CDH12: variants seen among roughly 807,000 people sequenced by gnomAD.
CDH12 encodes cadherin 12.
CDH12 carries 41 observed loss-of-function variants against 74.1 expected under a neutral mutation model. The ratio of observed to expected loss-of-function variants is 0.55; its 90% CI spans 0.43 to 0.72. The LOEUF is 0.72. Among genes scored for constraint, CDH12 ranks in the 30% least tolerant of loss-of-function variants. The pLI, the probability that CDH12 is intolerant of heterozygous loss-of-function variation, is 0.00. For missense variants in CDH12, 945 were observed against 977.2 expected (o/e 0.97, Z 0.44); for synonymous variants, 399 against 355.0 (o/e 1.12, Z -1.39).
At chr5:21,942,347 T>TATATATATATATATAC (rs1225173229) in intron 6 of CDH12, among the ~76,000 whole-genome samples, 23 of 129,672 alleles carry the variant, frequency 1.8e-4, no homozygotes, top group African/African-American at 7.3e-4. Flanking sequence ...TATATATATA[T>TATATATATATATATAC]ACACACACAC....
intron 3 of CDH12, among the ~76,000 whole-genome samples, chr5:22,312,493 T>A (rs1299888604): frequency 6.6e-6 from 1 of 152,214 alleles, no homozygotes; most frequent in Non-Finnish European, 1.5e-5. Context: ...TGTTTTCTTG[T>A]CACTTAATTA....
At chr5:22,467,331 C>T (rs1745778089) in intron 2 of CDH12, among the ~76,000 whole-genome samples, 1 of 152,134 alleles carries the variant, frequency 6.6e-6, no homozygotes, top group Non-Finnish European at 1.5e-5. Context: ...TGTCAAGAAT[C>T]CCCCCATCTG....
intron 6 of CDH12, among the ~76,000 whole-genome samples, chr5:21,943,344 A>C (rs1755423663): frequency 6.6e-6 from 1 of 152,230 alleles, no homozygotes. Context: ...ACTTACATTT[A>C]TATAACATTG....
chr5:22,715,393 G>A lies in CDH12; in HGVS notation c.-523+137665C>T, dbSNP rs111857246. 1.9e-3 allele frequency among the ~76,000 whole-genome samples: 287 copies of A among 152,264 alleles called. 2 individuals carry two copies. Among genetic ancestry groups the A allele is most frequent in the Middle Eastern group, 0.01 (3 of 294 alleles). ...CTTTAATAAAAACCTATTTGAAAGC[G>A]TTAGTTTTTATTTCACTTGCTCACT... is the stretch of plus-strand genomic sequence containing the variant. On this transcript the variant is annotated intron_variant, in intron 1 of 14. Coordinates refer to ENST00000382254, the MANE Select transcript of CDH12 (RefSeq NM_004061.5).
intron 1 of CDH12, among the ~76,000 whole-genome samples, chr5:22,690,577 G>A (rs1419731662): frequency 6.6e-6 from 1 of 152,070 alleles, no homozygotes; most frequent in East Asian, 1.9e-4. Context: ...GAGAGAAGGA[G>A]GATATAACAT....
At chr5:22,254,740 A>G (rs527645794) in intron 3 of CDH12, among the ~76,000 whole-genome samples, 118 of 151,848 alleles carry the variant, frequency 7.8e-4, no homozygotes, top group Non-Finnish European at 1.0e-3. Context: ...TTTAATTTTA[A>G]TTTTTTAAAT....
intron 9 of CDH12, 105 bp downstream of exon 9, chr5:21,816,840 T>C: frequency 1.3e-6 from 1 of 778,784 alleles, no homozygotes; most frequent in Non-Finnish European, 2.0e-6. Flanking sequence ...TCAACTCTAT[T>C]GCTAATTGAA....
chr5:22,444,035 T>C lies in CDH12; in HGVS notation c.-427-38684A>G, dbSNP rs145907539. Among the ~76,000 whole-genome samples the C allele has an allele frequency of 4.9e-3, 749 of 152,206 alleles. 3 individuals are homozygous for C. Among genetic ancestry groups the C allele is most frequent in the Non-Finnish European group, 8.5e-3 (579 of 67,968 alleles). ...AATAGGATTGAGTGATTATCAATTTTCAAAGCAAATTTAGAGCCATAAGAG... is the reference window on the plus strand; with the variant it reads ...AATAGGATTGAGTGATTATCAATTTCCAAAGCAAATTTAGAGCCATAAGAG... On this transcript the variant is annotated intron_variant, in intron 2 of 14. Transcript: ENST00000382254.
intron 3 of CDH12, among the ~76,000 whole-genome samples, chr5:22,262,124 T>A (rs1753537465): frequency 7.3e-6 from 1 of 136,344 alleles, no homozygotes; most frequent in African/African-American, 2.8e-5. Context: ...CACTATTTCT[T>A]TTTTTTTTTA....
At chr5:22,120,957 T>C (rs994443360) in intron 4 of CDH12, among the ~76,000 whole-genome samples, 1 of 152,220 alleles carries the variant, frequency 6.6e-6, no homozygotes, top group South Asian at 2.1e-4. Flanking sequence ...AAAATTGTTT[T>C]AAAATACTGT....
At chr5:22,496,454 T>C (rs1015791746) in intron 2 of CDH12, among the ~76,000 whole-genome samples, 2 of 152,260 alleles carry the variant, frequency 1.3e-5, no homozygotes, top group Non-Finnish European at 1.5e-5. Context: ...GAAATGTGTA[T>C]GACAAATTGT....
chr5:22,755,704 A>T (rs1167256179), intron 1 of CDH12, among the ~76,000 whole-genome samples: 4 of 152,100 alleles, frequency 2.6e-5, no homozygotes, highest in Non-Finnish European at 5.9e-5. Context: ...ATATTTTTAA[A>T]CTTTACTTGC....
chr5:22,399,640 A>G (rs1474088693), intron 3 of CDH12, among the ~76,000 whole-genome samples: 2 of 152,166 alleles, frequency 1.3e-5, no homozygotes, highest in Non-Finnish European at 2.9e-5. Flanking sequence ...CCAGCCACTA[A>G]CAGATGGTGT....
intron 1 of CDH12, among the ~76,000 whole-genome samples, chr5:22,674,358 C>T: frequency 6.6e-6 from 1 of 152,194 alleles, no homozygotes; most frequent in East Asian, 1.9e-4. Context: ...CTTCTCTTGT[C>T]TGCCACCATG....
chr5:22,648,270 T>C (rs915192059), intron 1 of CDH12, among the ~76,000 whole-genome samples: 4 of 151,874 alleles, frequency 2.6e-5, no homozygotes, highest in Non-Finnish European at 4.4e-5. Context: ...TTTTTAATCA[T>C]CCCACTCTCT....
At chr5:22,676,670 T>G (rs1486273981) in intron 1 of CDH12, among the ~76,000 whole-genome samples, 3 of 152,322 alleles carry the variant, frequency 2.0e-5, no homozygotes, top group Non-Finnish European at 4.4e-5. Flanking sequence ...ATCTTCAAAT[T>G]AAGACCTTGC....
intron 3 of CDH12, among the ~76,000 whole-genome samples, chr5:22,277,482 C>T (rs1360992201): frequency 6.6e-6 from 1 of 152,102 alleles, no homozygotes; most frequent in Non-Finnish European, 1.5e-5. Flanking sequence ...CTCTGAGACC[C>T]ATAGTGCTAC....
intron 3 of CDH12, among the ~76,000 whole-genome samples, chr5:22,390,787 A>T (rs1006965330): frequency 4.6e-5 from 7 of 152,158 alleles, no homozygotes; most frequent in Admixed American, 6.6e-5. Context: ...ATCACATGAG[A>T]CTCTATATAA....
At chr5:21,934,963 T>G (rs1268067755) in intron 6 of CDH12, among the ~76,000 whole-genome samples, 1 of 152,164 alleles carries the variant, frequency 6.6e-6, no homozygotes, top group Non-Finnish European at 1.5e-5. Flanking sequence ...ATTTTTTGTT[T>G]TTTTCGTAGA....
Sources: gnomAD v4.1 joint callset for allele counts (sites outside exome capture counted in the v4.1 genomes callset) on GRCh38, gnomAD v4.1.1 for gene constraint, MANE v1.5 for transcripts, NCBI Gene and HGNC (gene_info 2026-07-23, HGNC 2026-07-21) for gene names.